DPP10: variants seen among roughly 807,000 people sequenced by gnomAD.
DPP10 encodes dipeptidyl peptidase like 10.
Under a neutral mutation model 120.9 loss-of-function variants are expected in DPP10, and 33 were observed. The ratio of observed to expected loss-of-function variants is 0.27; its 90% CI spans 0.21 to 0.37. The LOEUF is 0.37. Among genes scored for constraint, DPP10 ranks in the 10% least tolerant of loss-of-function variants. DPP10 has a pLI of 1.00. For synonymous variants in DPP10, 337 were observed against 326.1 expected (o/e 1.03, Z -0.36); for missense variants, 816 against 942.8 (o/e 0.87, Z 1.76).
At chr2:115,725,560 TAA>T (rs1378663598) in intron 7 of DPP10, among the ~76,000 whole-genome samples, 7 of 152,362 alleles carry the variant, frequency 4.6e-5, no homozygotes, top group African/African-American at 1.4e-4. Flanking sequence ...AATATAAATG[TAA>T]TTACTGGTCA....
intron 3 of DPP10, among the ~76,000 whole-genome samples, chr2:115,430,665 G>T (rs1332574168): frequency 1.3e-5 from 2 of 152,080 alleles, no homozygotes; most frequent in Non-Finnish European, 2.9e-5. Flanking sequence ...CAGCTAAATT[G>T]ATAATCTCAG....
At position 114,740,291 on chromosome 2, in the gene DPP10, G is replaced by A. The variant is rs182650723; in HGVS notation, c.60+297453G>A. Reference sequence around the variant, plus strand: ...CAAACACCGCATGTTCTCACTCACAGGTGGGAATTGAACAATGAGAACACA... The same window carrying A: ...CAAACACCGCATGTTCTCACTCACAAGTGGGAATTGAACAATGAGAACACA... On this transcript the variant is annotated intron_variant, in intron 1 of 25. Transcript: ENST00000410059. Among the ~76,000 whole-genome samples the A allele has an allele frequency of 3.5e-3, 525 of 147,950 alleles. 2 individuals are homozygous for A. Among genetic ancestry groups the A allele is most frequent in the Middle Eastern group, 7.1e-3 (2 of 280 alleles).
At chr2:115,746,245 G>T (rs991158256) in intron 10 of DPP10, 62 bp downstream of exon 10, 2 of 1,411,540 alleles carry the variant, frequency 1.4e-6, no homozygotes, top group African/African-American at 2.9e-5. Context: ...TTATCATTTT[G>T]TTGCAATTTA....
chr2:115,664,823 T>C (rs2089312158), intron 5 of DPP10, among the ~76,000 whole-genome samples: 1 of 152,052 alleles, frequency 6.6e-6, no homozygotes, highest in South Asian at 2.1e-4. Flanking sequence ...TTAAAAATGC[T>C]CAAACCCCAT....
intron 1 of DPP10, among the ~76,000 whole-genome samples, chr2:115,064,353 A>C (rs1386164527): frequency 2.0e-5 from 3 of 152,194 alleles, no homozygotes; most frequent in Non-Finnish European, 4.4e-5. Context: ...GCAGGGAAGA[A>C]GGGAGAGCCA....
chr2:115,162,059 C>G, intron 1 of DPP10: 2 of 1,444,794 alleles, frequency 1.4e-6, no homozygotes, highest in South Asian at 1.4e-5. Context: ...CCAGGCCCTC[C>G]CGGGAGGGGT....
intron 3 of DPP10, among the ~76,000 whole-genome samples, chr2:115,418,495 G>A (rs897785660): frequency 2.0e-5 from 3 of 152,190 alleles, no homozygotes; most frequent in African/African-American, 7.2e-5. Context: ...AGCAAGCCAG[G>A]TACATTGGCT....
intron 2 of DPP10, among the ~76,000 whole-genome samples, chr2:115,341,876 G>A (rs2063464931): frequency 6.6e-6 from 1 of 151,992 alleles, no homozygotes; most frequent in East Asian, 1.9e-4. Flanking sequence ...CCAAATTTTG[G>A]CAATTATTAA....
At chr2:115,119,523 A>C (rs2049712691) in intron 1 of DPP10, among the ~76,000 whole-genome samples, 1 of 152,178 alleles carries the variant, frequency 6.6e-6, no homozygotes, top group African/African-American at 2.4e-5. Flanking sequence ...TCTGCCCTCA[A>C]GAGTACAAGA....
At chr2:115,613,648 A>G (rs1219705512) in intron 5 of DPP10, among the ~76,000 whole-genome samples, 2 of 152,186 alleles carry the variant, frequency 1.3e-5, no homozygotes, top group African/African-American at 4.8e-5. Flanking sequence ...TGTTGCTGAC[A>G]GGTTGAACAA....
At chr2:114,984,894 T>A (rs1700303281) in intron 1 of DPP10, among the ~76,000 whole-genome samples, 1 of 152,204 alleles carries the variant, frequency 6.6e-6, no homozygotes, top group African/African-American at 2.4e-5. Context: ...GCCCCAGCTA[T>A]GTGTCCATTT....
At chr2:115,047,026 C>T (rs1005914964) in intron 1 of DPP10, among the ~76,000 whole-genome samples, 1 of 151,888 alleles carries the variant, frequency 6.6e-6, no homozygotes, top group Non-Finnish European at 1.5e-5. Context: ...TGGTCAGATA[C>T]CACAATTGAA....
At chr2:114,642,975 G>A (rs1029992130) in intron 1 of DPP10, among the ~76,000 whole-genome samples, 6 of 151,884 alleles carry the variant, frequency 4.0e-5, no homozygotes, top group African/African-American at 1.5e-4. Context: ...CCACATGGGG[G>A]TTATATACCT....
intron 1 of DPP10, among the ~76,000 whole-genome samples, chr2:114,606,615 A>G (rs1055537632): frequency 6.6e-6 from 1 of 152,160 alleles, no homozygotes; most frequent in Non-Finnish European, 1.5e-5. Context: ...AGGGGAGAAG[A>G]CAAATGCAAT....
intron 1 of DPP10, among the ~76,000 whole-genome samples, chr2:114,820,932 TTCAG>T (rs990432318): frequency 7.9e-4 from 120 of 152,310 alleles, no homozygotes; most frequent in African/African-American, 2.7e-3. Flanking sequence ...GTTCTTCATC[TTCAG>T]TCAAATTAGA....
At chr2:114,750,973 G>A (rs969720877) in intron 1 of DPP10, among the ~76,000 whole-genome samples, 21 of 152,170 alleles carry the variant, frequency 1.4e-4, no homozygotes, top group African/African-American at 4.8e-4. Flanking sequence ...AAGTTGAATG[G>A]AGTGATTGCT....
chr2:115,344,652 G>A (rs1305412341), intron 3 of DPP10, among the ~76,000 whole-genome samples: 1 of 151,948 alleles, frequency 6.6e-6, no homozygotes, highest in Non-Finnish European at 1.5e-5. Flanking sequence ...ACCACTGAGT[G>A]GCTTCATAGG....
At chr2:115,206,171 T>A (rs139757222) in intron 1 of DPP10, among the ~76,000 whole-genome samples, 61 of 152,318 alleles carry the variant, frequency 4.0e-4, no homozygotes, top group African/African-American at 1.4e-3. Flanking sequence ...ATACACCTAT[T>A]TCCTTACGGA....
At chr2:115,616,010 G>A (rs957031760) in intron 5 of DPP10, among the ~76,000 whole-genome samples, 1 of 152,084 alleles carries the variant, frequency 6.6e-6, no homozygotes, top group Non-Finnish European at 1.5e-5. Context: ...AAATTATTCA[G>A]ATTTGCTTAA....
Sources: gnomAD v4.1 joint callset for allele counts (sites outside exome capture counted in the v4.1 genomes callset) on GRCh38, gnomAD v4.1.1 for gene constraint, MANE v1.5 for transcripts, NCBI Gene and HGNC (gene_info 2026-07-23, HGNC 2026-07-21) for gene names.